Variants in ACVR1 observed in about 807,000 individuals in gnomAD.
ACVR1 encodes the protein activin receptor type-1.
In ACVR1, 38 loss-of-function variants were observed where a neutral mutation model predicts 57.1. The ratio of observed to expected loss-of-function variants is 0.67; its 90% CI spans 0.51 to 0.87. The LOEUF is 0.87. Ranked by LOEUF, ACVR1 falls within the 40% of genes least tolerant of loss-of-function variation. The probability of loss-of-function intolerance (pLI) is 0.00; values close to 1 mark genes in which losing one functional copy is unlikely to be tolerated. For synonymous variants in ACVR1, 212 were observed against 228.1 expected (o/e 0.93, Z 0.63); for missense variants, 463 against 638.2 (o/e 0.73, Z 2.96).
intron 1 of ACVR1, chr2:157,860,138 T>G (rs1177720254): frequency 6.6e-6 from 1 of 151,880 alleles, no homozygotes; most frequent in Non-Finnish European, 1.5e-5. Flanking sequence ...TCCATGAAAA[T>G]GAGACTGAAA....
chr2:157,738,275 T>C (rs1185022947), intron 10 of ACVR1, among the ~76,000 whole-genome samples, 165 bp downstream of exon 10: 1 of 152,228 alleles, frequency 6.6e-6, no homozygotes. Flanking sequence ...GGAGTATTTT[T>C]CTGAACTTAC....
chr2:157,792,894 C>G lies in ACVR1; in HGVS notation c.67+6533G>C, dbSNP rs576838976. Among the ~76,000 whole-genome samples the G allele has an allele frequency of 3.9e-5, 6 of 152,292 alleles. No homozygotes were observed. In the South Asian group the frequency reaches 1.2e-3, roughly 32 times the overall value. ...AAAGCCACCTCGCCTGTGTCTTACA[C>G]TATCTTGGAATGACATGAGTTCTGA... On this transcript the variant is annotated intron_variant, in intron 3 of 10. Transcript: ENST00000434821.
intron 8 of ACVR1, among the ~76,000 whole-genome samples, chr2:157,765,630 A>T (rs1685834742): frequency 1.3e-5 from 2 of 152,264 alleles, no homozygotes; most frequent in Non-Finnish European, 2.9e-5. Flanking sequence ...TGCTGAAATC[A>T]TCAGAAGAAA....
chr2:157,756,622 G>A (rs988199401), intron 9 of ACVR1, among the ~76,000 whole-genome samples: 2 of 151,922 alleles, frequency 1.3e-5, no homozygotes, highest in African/African-American at 2.4e-5. Flanking sequence ...ACTTACTTGC[G>A]CAAGAATGGC....
intron 1 of ACVR1, among the ~76,000 whole-genome samples, chr2:157,841,093 T>C (rs986625044): frequency 6.6e-6 from 1 of 152,220 alleles, no homozygotes; most frequent in Non-Finnish European, 1.5e-5. Context: ...GAAATGTACA[T>C]ACATGCTTAC....
At chr2:157,851,240 T>C (rs926860650) in intron 1 of ACVR1, among the ~76,000 whole-genome samples, 1 of 152,068 alleles carries the variant, frequency 6.6e-6, no homozygotes, top group Non-Finnish European at 1.5e-5. Flanking sequence ...AAGGAGAGGT[T>C]GAGGAAGACA....
chr2:157,821,041 G>T (rs1176905423), intron 1 of ACVR1, among the ~76,000 whole-genome samples: 2 of 152,132 alleles, frequency 1.3e-5, no homozygotes, highest in African/African-American at 4.8e-5. Context: ...TGGTAAAATG[G>T]GAAATAACGT....
chr2:157,850,922 A>C (rs1017450074), intron 1 of ACVR1, among the ~76,000 whole-genome samples: 5 of 152,158 alleles, frequency 3.3e-5, no homozygotes, highest in Non-Finnish European at 7.3e-5. Flanking sequence ...GCGCCACTGC[A>C]CTCCAGTCTG....
chr2:157,854,762 G>A (rs1689452354), intron 1 of ACVR1, among the ~76,000 whole-genome samples: 1 of 150,512 alleles, frequency 6.6e-6, no homozygotes, highest in African/African-American at 2.4e-5. Context: ...CAGGCCGGGT[G>A]CGACCGATGG....
At chr2:157,809,365 A>G (rs1687667736) in intron 2 of ACVR1, among the ~76,000 whole-genome samples, 1 of 152,204 alleles carries the variant, frequency 6.6e-6, no homozygotes, top group South Asian at 2.1e-4. Context: ...GCAGAATCAG[A>G]TAATTGTGGT....
At position 157,799,435 on chromosome 2, in the gene ACVR1, C is replaced by G; in HGVS notation, c.59G>C (p.Ser20Thr). The G allele has an allele frequency of 1.2e-6, 2 of 1,610,276 alleles. No individual in the cohort carries two copies. Among genetic ancestry groups the G allele is most frequent in the Non-Finnish European group, 1.7e-6 (2 of 1,177,780 alleles). Residue 20 changes from serine to threonine, a missense_variant, in exon 3 of 11, where the codon AGT becomes ACT. Physicochemically the swap from Ser to Thr is moderately conservative, Grantham distance 58. Transcript: ENST00000434821. ...VLIMIALPSP[S>T]MEDEKPKVNP... ...AGATGTGAGTCACTTACCTTCCATA[C>G]TAGGGGAGGGGAGAGCAATCATGAT...
At chr2:157,813,406 A>G (rs1352608803) in intron 2 of ACVR1, among the ~76,000 whole-genome samples, 1 of 152,184 alleles carries the variant, frequency 6.6e-6, no homozygotes, top group Admixed American at 6.5e-5. Context: ...TTCCACTAAA[A>G]TCCCTTCTTT....
At chr2:157,758,498 GAA>G (rs1685516901) in intron 9 of ACVR1, among the ~76,000 whole-genome samples, 2 of 151,906 alleles carry the variant, frequency 1.3e-5, no homozygotes, top group African/African-American at 4.8e-5. Flanking sequence ...AAGGAAGAGA[GAA>G]TATCATGATT....
At chr2:157,750,306 AT>A (rs1685134205) in intron 9 of ACVR1, among the ~76,000 whole-genome samples, 1 of 152,224 alleles carries the variant, frequency 6.6e-6, no homozygotes, top group African/African-American at 2.4e-5. Flanking sequence ...AGACACAAGG[AT>A]GAGTCCATTG....
In ACVR1 at chr2:157,761,004, G is replaced by C. The variant is rs758035994; in HGVS notation, c.1140C>G (p.Arg380=). ...CATCTAGAACTTCGGGGGCCATGTA[G>C]CGCTTGGTGCCCACACGGGGATTGT... The part of the protein sequence containing the change: ...VGNNPRVGTK[R]YMAPEVLDET... Residue 380 remains arginine (R), a synonymous_variant, in exon 9 of 11, where the codon CGC becomes CGG. Coordinates refer to ENST00000434821, the MANE Select transcript of ACVR1 (RefSeq NM_001111067.4). 5.6e-6 allele frequency: 9 copies of C among 1,614,020 alleles called. No individual in the cohort carries two copies.
intron 1 of ACVR1, among the ~76,000 whole-genome samples, chr2:157,869,029 C>A (rs999864661): frequency 6.6e-6 from 1 of 152,218 alleles, no homozygotes; most frequent in Non-Finnish European, 1.5e-5. Context: ...ATCTTCCCCA[C>A]CTCCCTCTCA....
chr2:157,868,233 C>A (rs897087801), intron 1 of ACVR1, among the ~76,000 whole-genome samples: 1 of 151,990 alleles, frequency 6.6e-6, no homozygotes. Context: ...GCCTGTAATC[C>A]CAGCACTCTG....
Position 157,738,453 on chromosome 2 carries a change from C to A in ACVR1, c.1382G>T (p.Trp461Leu). ...DQQRPNIPNRWFSDPTLTSLA... is the reference protein window; with the variant it reads ...DQQRPNIPNRLFSDPTLTSLA... Reference sequence around the variant, plus strand: ...TGGCATTCTTACCGGGTCTGAGAACCATCTGTTGGGTATGTTTGGCCTTTG... The same window carrying A: ...TGGCATTCTTACCGGGTCTGAGAACAATCTGTTGGGTATGTTTGGCCTTTG... The change falls in exon 10 of 11, where the codon TGG (tryptophan) becomes TTG (leucine). Residue 461 changes from tryptophan to leucine, a missense_variant. Coordinates refer to ENST00000434821, the MANE Select transcript of ACVR1 (RefSeq NM_001111067.4). 2 of 1,614,106 alleles carry A rather than the reference C, an allele frequency of 1.2e-6. No homozygotes were observed. The highest frequency in any genetic ancestry group is 1.7e-6 in the Non-Finnish European group (2 of 1,179,966).
intron 3 of ACVR1, among the ~76,000 whole-genome samples, chr2:157,794,341 A>G (rs548202615): frequency 6.6e-6 from 1 of 152,320 alleles, no homozygotes; most frequent in East Asian, 1.9e-4. Flanking sequence ...TATAATGAAC[A>G]TGAAAAATGA....
Sources: allele counts gnomAD v4.1 joint callset (sites outside exome capture counted in the v4.1 genomes callset), GRCh38; gene constraint gnomAD v4.1.1; transcripts MANE v1.5; gene names NCBI Gene and HGNC (gene_info 2026-07-23, HGNC 2026-07-21).